The following WFDC11 variants were observed in gnomAD, a reference collection of about 807,000 sequenced individuals.
WFDC11 encodes the protein WAP four-disulfide core domain 11.
In WFDC11, 9 loss-of-function variants were observed where a neutral mutation model predicts 9.9. The ratio of observed to expected loss-of-function variants is 0.91; its 90% CI spans 0.55 to 1.58. The LOEUF is 1.58. Ranked by LOEUF, WFDC11 falls within the 40% of genes most tolerant of loss-of-function variation. The probability of loss-of-function intolerance (pLI) is 0.00; values close to 1 mark genes in which losing one functional copy is unlikely to be tolerated. For missense variants in WFDC11, 106 were observed against 101.7 expected (o/e 1.04, Z -0.18); for synonymous variants, 32 against 33.3 (o/e 0.96, Z 0.13).
chr20:45,650,686 G>T, intron 2 of WFDC11, 35 bp from the exon 3 acceptor site: 2 of 1,145,120 alleles, frequency 1.7e-6, no homozygotes, highest in Non-Finnish European at 2.6e-6. Flanking sequence ...GGAAAGAGAG[G>T]TGTGAAGCAA....
chr20:45,663,704 C>T lies in WFDC11; in HGVS notation c.-52+3384G>A, dbSNP rs897985277. Among the ~76,000 whole-genome samples, 29 of 152,146 alleles carry T rather than the reference C, an allele frequency of 1.9e-4. 1 individual carries two copies. The highest frequency in any genetic ancestry group is 5.9e-5 in the Non-Finnish European group (4 of 68,024). On this transcript the variant is annotated intron_variant, in intron 2 of 4. Transcript: ENST00000324384. ...TATTTACCTAGTAGTCATTCAGGAG[C>T]AGGTTGTTCAGTTTCCATGTAGTTG...
In WFDC11 at chr20:45,662,448, A is replaced by C. The variant is rs1436970420; in HGVS notation, c.-52+4640T>G. Among the ~76,000 whole-genome samples, 34 of 152,136 alleles carry C rather than the reference A, an allele frequency of 2.2e-4. 1 individual carries two copies. Among genetic ancestry groups the C allele is most frequent in the Admixed American group, 2.2e-3 (34 of 15,266 alleles). ...CTAATTGCCCAGGCCAGAACTTCCA[A>C]CACTATGTTGAGTAGGAGTGGTGAG... is the stretch of plus-strand genomic sequence containing the variant. On this transcript the variant is annotated intron_variant, in intron 2 of 4. Transcript: ENST00000324384.
chr20:45,662,630 C>G (rs562600298), intron 2 of WFDC11, among the ~76,000 whole-genome samples: 63 of 152,082 alleles, frequency 4.1e-4, no homozygotes, highest in African/African-American at 1.5e-3. Context: ...TAGCATGAAG[C>G]GTTGTTGAAT....
chr20:45,653,403 T>C (rs1057162174), intron 2 of WFDC11, among the ~76,000 whole-genome samples: 1 of 152,044 alleles, frequency 6.6e-6, no homozygotes, highest in African/African-American at 2.4e-5. Context: ...CCACCAGGCC[T>C]GCCCTACAAG....
In WFDC11 at chr20:45,650,576, T is replaced by C. The variant is rs757209948; in HGVS notation, c.25A>G (p.Ile9Val). 15 of 1,614,002 alleles carry C rather than the reference T, an allele frequency of 9.3e-6. No homozygotes were observed. Among genetic ancestry groups the C allele is most frequent in the African/African-American group, 1.3e-5 (1 of 74,898 alleles). Residue 9 changes from isoleucine (I) to valine (V), a missense_variant, in exon 3 of 5, where the codon ATA becomes GTA. Ile to Val is a conservative substitution (Grantham distance 29). Coordinates refer to ENST00000324384, the MANE Select transcript of WFDC11 (RefSeq NM_147197.2). MVSLMKLW[I>V]PMLMTFFCTV... is the part of the protein sequence containing the mutation. The stretch of plus-strand genomic sequence containing the variant: ...CAGAAGAATGTCATGAGCATGGGTA[T>C]CCAGAGCTTCATGAGGCTGACCATA...
At chr20:45,668,192 T>C (rs770423942) in intron 1 of WFDC11, among the ~76,000 whole-genome samples, 14 of 152,120 alleles carry the variant, frequency 9.2e-5, no homozygotes, top group Non-Finnish European at 1.5e-4. Flanking sequence ...GCACTCTCTC[T>C]AGATACCCTT....
rs138019564 is a variant in WFDC11 at position 45,670,032 on chromosome 20, A to C, written c.-134+146T>G. 9.9e-5 allele frequency: 15 copies of C among 152,256 alleles called. No homozygotes were observed. The East Asian group carries it at 2.7e-3, about 27-fold the overall frequency. The allele number at this position is 152,256 out of a possible 1,614,324, so 9.4% of individuals were successfully genotyped here. On this transcript the variant is annotated intron_variant, in intron 1 of 4. Transcript: ENST00000324384. The stretch of plus-strand genomic sequence containing the variant: ...CAAACAAAAATCAGAGACTATTACA[A>C]ACACCACTATGCACACAAACTAGAA...
At chr20:45,649,682 G>A (rs749856855) in intron 3 of WFDC11, among the ~76,000 whole-genome samples, 1 of 152,150 alleles carries the variant, frequency 6.6e-6, no homozygotes, top group African/African-American at 2.4e-5. Flanking sequence ...GCATCCCAAC[G>A]ATAAAACTCA....
chr20:45,649,453 G>T (rs1001014544), intron 3 of WFDC11, 54 bp from the exon 4 acceptor site: 4 of 1,592,092 alleles, frequency 2.5e-6, no homozygotes, highest in Non-Finnish European at 2.6e-6. Flanking sequence ...GCCAAGAGCG[G>T]AAAGAAAGGC....
At position 45,653,352 on chromosome 20, in the gene WFDC11, A is replaced by G. The variant is rs963923570; in HGVS notation, c.-51-2701T>C. On this transcript the variant is annotated intron_variant, in intron 2 of 4. Coordinates refer to ENST00000324384, the MANE Select transcript of WFDC11 (RefSeq NM_147197.2). ...TAAGCTTCATAAGTGAAGGAGAAAT[A>G]AAATACTTTATAGACAAGCAAATGC... 2.6e-5 allele frequency among the ~76,000 whole-genome samples: 4 copies of G among 152,200 alleles called. No homozygotes were observed. The East Asian group carries it at 7.7e-4, about 29-fold the overall frequency.
intron 2 of WFDC11, among the ~76,000 whole-genome samples, chr20:45,656,223 T>TAAAA (rs141256331): frequency 8.6e-5 from 13 of 150,894 alleles, no homozygotes; most frequent in Admixed American, 3.3e-4. Flanking sequence ...ATAGTACTGG[T>TAAAA]AAAAAAAAAC....
chr20:45,668,201 T>C (rs908171489), intron 1 of WFDC11, among the ~76,000 whole-genome samples: 1 of 152,128 alleles, frequency 6.6e-6, no homozygotes, highest in African/African-American at 2.4e-5. Context: ...CTAGATACCC[T>C]TACAGTGCTA....
intron 3 of WFDC11, among the ~76,000 whole-genome samples, chr20:45,649,862 C>T (rs530061282): frequency 3.0e-4 from 45 of 152,172 alleles, no homozygotes; most frequent in Non-Finnish European, 5.3e-4. Context: ...TCCCTACTTG[C>T]TGACTCTGTG....
Position 45,650,393 on chromosome 20 carries a change from T to C in WFDC11, c.100+108A>G, listed in dbSNP as rs550587106. ...ATTGTCATTCTCTGATGGGTGATACTACGAAGGTGGGTCCTGAGTCAGATA... is the reference window on the plus strand; with the variant it reads ...ATTGTCATTCTCTGATGGGTGATACCACGAAGGTGGGTCCTGAGTCAGATA... On this transcript the variant is annotated intron_variant, in intron 3 of 4. Coordinates refer to ENST00000324384, the MANE Select transcript of WFDC11 (RefSeq NM_147197.2). 20 of 816,476 alleles carry C rather than the reference T, an allele frequency of 2.4e-5. No individual in the cohort carries two copies. In the East Asian group the frequency reaches 4.2e-4, roughly 17 times the overall value. 50.6% of individuals were successfully genotyped at this position (816,476 alleles called of 1,614,324 possible).
At chr20:45,656,281 A>G (rs1171222123) in intron 2 of WFDC11, among the ~76,000 whole-genome samples, 2 of 152,120 alleles carry the variant, frequency 1.3e-5, no homozygotes, top group Non-Finnish European at 2.9e-5. Flanking sequence ...AAATAACACC[A>G]CACATCTACA....
chr20:45,649,436 T>C (rs1982754621), intron 3 of WFDC11, 37 bp from the exon 4 acceptor site: 3 of 1,606,926 alleles, frequency 1.9e-6, no homozygotes, highest in South Asian at 2.2e-5. Context: ...GTTGATGGTA[T>C]GTTTCAGCCA....
intron 2 of WFDC11, among the ~76,000 whole-genome samples, chr20:45,655,531 A>G (rs111515199): frequency 1.8e-4 from 28 of 152,250 alleles, no homozygotes; most frequent in African/African-American, 4.8e-4. Flanking sequence ...ACAAGACAGG[A>G]ATGCCCTCTC....
intron 1 of WFDC11, among the ~76,000 whole-genome samples, chr20:45,668,600 T>C (rs1456255158): frequency 3.9e-5 from 6 of 152,208 alleles, no homozygotes; most frequent in Non-Finnish European, 8.8e-5. Context: ...ACAATTAAAT[T>C]TAAAAATAAT....
intron 1 of WFDC11, among the ~76,000 whole-genome samples, chr20:45,669,031 A>T (rs529383847): frequency 1.3e-5 from 2 of 152,218 alleles, no homozygotes; most frequent in East Asian, 3.9e-4. Context: ...AAAATGTCAG[A>T]CCATTTCCTT....
Sources: gnomAD v4.1 joint callset for allele counts (sites outside exome capture counted in the v4.1 genomes callset) on GRCh38, gnomAD v4.1.1 for gene constraint, MANE v1.5 for transcripts, NCBI Gene and HGNC (gene_info 2026-07-23, HGNC 2026-07-21) for gene names.